Variants in KDM6A observed in about 807,000 individuals in gnomAD.
KDM6A encodes the protein lysine-specific demethylase 6A.
Under a neutral mutation model 117.6 loss-of-function variants are expected in KDM6A, and 11 were observed. That is an observed-to-expected ratio of 0.09 (90% CI 0.06 to 0.15). The LOEUF (loss-of-function observed/expected upper bound fraction) is 0.15. Ranked by LOEUF, KDM6A falls within the 10% of genes least tolerant of loss-of-function variation. The pLI is 1.00. For missense variants in KDM6A, 799 were observed against 1,077.3 expected (o/e 0.74, Z 3.62); for synonymous variants, 384 against 396.1 (o/e 0.97, Z 0.36).
intron 2 of KDM6A, among the ~76,000 whole-genome samples, chrX:44,903,478 A>AT (rs754404527): frequency 3.6e-5 from 4 of 111,289 alleles, no homozygotes; most frequent in Non-Finnish European, 5.7e-5. Flanking sequence ...CGTGAGATTA[A>AT]TTTTTTTTAT....
chrX:45,017,122 A>G (rs1391148607), intron 5 of KDM6A, among the ~76,000 whole-genome samples: 1 of 112,313 alleles, frequency 8.9e-6, no homozygotes, highest in Non-Finnish European at 1.9e-5. Flanking sequence ...AAAAATGCCA[A>G]TGATACCATG....
At chrX:44,947,192 G>T (rs889481031) in intron 2 of KDM6A, among the ~76,000 whole-genome samples, 6 of 110,728 alleles carry the variant, frequency 5.4e-5, no homozygotes, top group African/African-American at 2.0e-4. Flanking sequence ...GATATACTGA[G>T]TTTTTGAATA....
intron 18 of KDM6A, 104 bp downstream of exon 18, chrX:45,070,461 G>GT (rs2044769681): frequency 5.6e-6 from 4 of 715,805 alleles, no homozygotes; most frequent in Non-Finnish European, 8.5e-6. Flanking sequence ...GCAAAAGATG[G>GT]TGTAGTCATT....
At chrX:44,990,054 T>C (rs897900023) in intron 4 of KDM6A, among the ~76,000 whole-genome samples, 8 of 111,854 alleles carry the variant, frequency 7.2e-5, no homozygotes, top group Admixed American at 2.9e-4. Context: ...TTGGGCGTTA[T>C]AGGACTCAAA....
chrX:44,946,533 T>A (rs1013810015), intron 2 of KDM6A, among the ~76,000 whole-genome samples: 10 of 111,994 alleles, frequency 8.9e-5, no homozygotes, highest in Non-Finnish European at 1.5e-4. Flanking sequence ...ATTTTTTTTT[T>A]ATAAACATAA....
At chrX:45,091,153 A>C (rs376185186) in intron 27 of KDM6A, among the ~76,000 whole-genome samples, 10 of 111,738 alleles carry the variant, frequency 8.9e-5, no homozygotes, top group East Asian at 8.4e-4. Context: ...CTTTAGTTTT[A>C]ATATGAAAAT....
At chrX:44,907,287 T>C (rs2034741184) in intron 2 of KDM6A, among the ~76,000 whole-genome samples, 1 of 111,103 alleles carries the variant, frequency 9.0e-6, no homozygotes, top group African/African-American at 3.3e-5. Context: ...TTTTTTGTTG[T>C]TGTTGTTGAG....
chrX:45,035,397 G>A (rs2042768413), intron 7 of KDM6A, among the ~76,000 whole-genome samples: 3 of 111,602 alleles, frequency 2.7e-5, no homozygotes, highest in African/African-American at 9.7e-5. Context: ...GAAGACATTT[G>A]TGACTTTTAT....
intron 2 of KDM6A, among the ~76,000 whole-genome samples, chrX:44,948,852 G>A (rs1602306734): frequency 8.9e-6 from 1 of 111,865 alleles, no homozygotes; most frequent in East Asian, 2.8e-4. Flanking sequence ...AGCACCGCTG[G>A]TGGAAGGTTA....
At chrX:45,079,812 C>G (rs2045320136) in intron 21 of KDM6A, among the ~76,000 whole-genome samples, 1 of 112,538 alleles carries the variant, frequency 8.9e-6, no homozygotes, top group African/African-American at 3.2e-5. Context: ...TCCCAAAGTG[C>G]TGGGATTACA....
intron 4 of KDM6A, among the ~76,000 whole-genome samples, chrX:44,977,029 G>C (rs957970880): frequency 1.8e-5 from 2 of 111,279 alleles, no homozygotes; most frequent in African/African-American, 6.6e-5. Flanking sequence ...GTTTTTTAGT[G>C]TGCCTAGTGG....
At chrX:44,981,121 C>G (rs1227526087) in intron 4 of KDM6A, among the ~76,000 whole-genome samples, 3 of 111,644 alleles carry the variant, frequency 2.7e-5, no homozygotes, top group Non-Finnish European at 5.6e-5. Flanking sequence ...GGCAAGCAAT[C>G]AGTTCTGCAG....
At chrX:45,003,867 CCTCT>C (rs1016453413) in intron 4 of KDM6A, among the ~76,000 whole-genome samples, 1 of 101,590 alleles carries the variant, frequency 9.8e-6, no homozygotes, top group Admixed American at 1.1e-4. Flanking sequence ...CTCTCTCTCC[CCTCT>C]CTCTCTCTTC....
chrX:45,111,328 A>G, intron 29 of KDM6A, 54 bp from the exon 30 acceptor site: 8 of 971,094 alleles, frequency 8.2e-6, no homozygotes, highest in Non-Finnish European at 1.0e-5. Context: ...GTTTGTAGCC[A>G]TGAGCTATTA....
At chrX:44,894,447 GTTTCT>G (rs1264352343) in intron 2 of KDM6A, among the ~76,000 whole-genome samples, 1 of 110,189 alleles carries the variant, frequency 9.1e-6, no homozygotes, top group Non-Finnish European at 1.9e-5. Context: ...GAGTTGATCT[GTTTCT>G]TTTAAGTTGA....
At chrX:45,105,404 ATTATT>A (rs1569541892) in intron 27 of KDM6A, among the ~76,000 whole-genome samples, 1 of 111,293 alleles carries the variant, frequency 9.0e-6, no homozygotes, top group African/African-American at 3.3e-5. Flanking sequence ...CTTTTATTAT[ATTATT>A]TTTGTTTGGC....
intron 2 of KDM6A, among the ~76,000 whole-genome samples, chrX:44,930,675 GTTAA>G (rs1166560049): frequency 3.6e-5 from 4 of 112,094 alleles, no homozygotes; most frequent in African/African-American, 3.2e-5. Context: ...ATGAAATAGT[GTTAA>G]TTAAAGCTAT....
intron 2 of KDM6A, among the ~76,000 whole-genome samples, chrX:44,905,958 C>A (rs752646794): frequency 2.7e-5 from 3 of 111,908 alleles, no homozygotes; most frequent in Non-Finnish European, 5.6e-5. Context: ...TTTTTCCATT[C>A]TCTTTTACTT....
In KDM6A at chrX:44,932,084, C is replaced by CTTTTTTTTT. The variant is rs796121677; in HGVS notation, c.226-29180_226-29172dup. On this transcript the variant is annotated intron_variant, in intron 2 of 29. Coordinates refer to ENST00000611820, the MANE Select transcript of KDM6A (RefSeq NM_001291415.2). ...GCTGGTCCTGATTGCTCTAGGTAGC[C>CTTTTTTTTT]TTTTTTTTTTTTTTTTTTTTTTTTT... 1.5e-3 allele frequency among the ~76,000 whole-genome samples: 25 copies of CTTTTTTTTT among 17,089 alleles called. 3 individuals carry two copies. Among genetic ancestry groups the CTTTTTTTTT allele is most frequent in the Non-Finnish European group, 1.8e-3 (18 of 10,249 alleles). The allele number at this position is 17,089 out of a possible 115,157, so 14.8% of individuals were successfully genotyped here. A position where few individuals can be genotyped will look rare whatever the true frequency, so the allele number is the denominator to read the frequency against.
Sources: allele counts gnomAD v4.1 joint callset (sites outside exome capture counted in the v4.1 genomes callset), GRCh38; gene constraint gnomAD v4.1.1; transcripts MANE v1.5; gene names NCBI Gene and HGNC (gene_info 2026-07-23, HGNC 2026-07-21).